The following MCM3AP variants were observed in gnomAD, a reference collection of about 807,000 sequenced individuals.
MCM3AP encodes minichromosome maintenance complex component 3 associated protein.
In MCM3AP, 126 loss-of-function variants were observed where a neutral mutation model predicts 184.1. The ratio of observed to expected loss-of-function variants is 0.68; its 90% CI spans 0.59 to 0.79. The LOEUF is 0.79. Among genes scored for constraint, MCM3AP ranks in the 30% least tolerant of loss-of-function variants. MCM3AP has a pLI of 0.00. For synonymous variants in MCM3AP, 1,002 were observed against 979.3 expected (o/e 1.02, Z -0.43); for missense variants, 2,496 against 2,479.2 (o/e 1.01, Z -0.14).
In MCM3AP at chr21:46,242,796, C is replaced by T. The variant is rs117921348; in HGVS notation, c.5426+6G>A. 5,034 of 1,601,844 alleles carry T rather than the reference C, an allele frequency of 3.1e-3. 8 individuals are homozygous for T. The highest frequency in any genetic ancestry group is 4.0e-3 in the Non-Finnish European group (4,712 of 1,175,948). Reference sequence around the variant, plus strand: ...GCAACAGAAACATACTGAACATGAACCTCACCGTCCCTCTCTCAGCTGTAG... The same window carrying T: ...GCAACAGAAACATACTGAACATGAATCTCACCGTCCCTCTCTCAGCTGTAG... On this transcript the variant is annotated splice_donor_region_variant and intron_variant, in intron 25 of 27. Coordinates refer to ENST00000291688, the MANE Select transcript of MCM3AP (RefSeq NM_003906.5).
chr21:46,241,783 T>C (rs1332607026), intron 25 of MCM3AP: 2 of 152,238 alleles, frequency 1.3e-5, no homozygotes, highest in African/African-American at 4.8e-5. Context: ...AGGTTTCCTT[T>C]GCACATACAG....
chr21:46,284,357 T>C lies in MCM3AP; in HGVS notation c.930A>G (p.Glu310=). Reference sequence around the variant, plus strand: ...CGCCCCGGGACAGAGGATCCGAATCTTCTGCTGGCTCGTGGCCATGTCTCC... The same window carrying C: ...CGCCCCGGGACAGAGGATCCGAATCCTCTGCTGGCTCGTGGCCATGTCTCC... The part of the protein sequence containing the change: ...SPRRHGHEPA[E]DSDPLSRGDH... Residue 310 remains glutamate, a synonymous_variant, in exon 1 of 28, where the codon GAA becomes GAG. Coordinates refer to ENST00000291688, the MANE Select transcript of MCM3AP (RefSeq NM_003906.5). 1 of 1,614,230 alleles carries C rather than the reference T, an allele frequency of 6.2e-7. No homozygotes were observed. The highest frequency in any genetic ancestry group is 8.5e-7 in the Non-Finnish European group (1 of 1,180,040).
At position 46,243,463 on chromosome 21, in the gene MCM3AP, A is replaced by G. The variant is rs2080708810; in HGVS notation, c.5296+2T>C. The G allele has an allele frequency of 1.2e-6, 2 of 1,603,540 alleles. No individual in the cohort carries two copies. The highest frequency in any genetic ancestry group is 1.7e-6 in the Non-Finnish European group (2 of 1,174,236). Reference sequence around the variant, plus strand: ...GATCCCATTGCATCAAGCTCTAATTACCTGATGTAACAGGAAGCCGGGGGG... The same window carrying G: ...GATCCCATTGCATCAAGCTCTAATTGCCTGATGTAACAGGAAGCCGGGGGG... On this transcript the variant is annotated splice_donor_variant, in intron 24 of 27. Transcript: ENST00000291688. LOFTEE classifies it high-confidence loss of function.
intron 14 of MCM3AP, 106 bp downstream of exon 14, chr21:46,261,174 G>T: frequency 1.4e-6 from 2 of 1,422,934 alleles, no homozygotes; most frequent in African/African-American, 1.4e-5. Flanking sequence ...AGCAGGGGTG[G>T]AATGGTAGCA....
chr21:46,247,686 A>C (rs2080799109), intron 20 of MCM3AP: 1 of 152,230 alleles, frequency 6.6e-6, no homozygotes, highest in Non-Finnish European at 1.5e-5. Context: ...ATAGAAACAA[A>C]AATGAGAATA....
chr21:46,279,229 A>C (rs1252474172), intron 4 of MCM3AP, among the ~76,000 whole-genome samples: 1 of 151,664 alleles, frequency 6.6e-6, no homozygotes, highest in East Asian at 2.0e-4. Flanking sequence ...CAGAGGTTGC[A>C]GTGAGCCAAG....
intron 8 of MCM3AP, 139 bp downstream of exon 8, chr21:46,272,422 G>A: frequency 8.9e-6 from 8 of 894,286 alleles, no homozygotes; most frequent in Non-Finnish European, 1.4e-5. Flanking sequence ...GCCAGACCAA[G>A]GTCCTCTACT....
Position 46,246,642 on chromosome 21 carries a change from T to G in MCM3AP, c.4535A>C (p.Lys1512Thr). The G allele has an allele frequency of 6.2e-7, 1 of 1,610,806 alleles. No individual in the cohort carries two copies. Among genetic ancestry groups the G allele is most frequent in the Non-Finnish European group, 8.5e-7 (1 of 1,177,100 alleles). The change falls in exon 21 of 28, where the codon AAG becomes ACG. Residue 1512 changes from lysine (K) to threonine (T), a missense_variant. Physicochemically the swap from Lys to Thr is moderately conservative, Grantham distance 78. Coordinates refer to ENST00000291688, the MANE Select transcript of MCM3AP (RefSeq NM_003906.5). ...VPSPGGDAVE[K>T]EVEDGLMLQD... Reference sequence around the variant, plus strand: ...CCTTCACAAACCATCTTCTACTTCCTTCTCAACGGCGTCCCCTCCTGGGCT... The same window carrying G: ...CCTTCACAAACCATCTTCTACTTCCGTCTCAACGGCGTCCCCTCCTGGGCT...
chr21:46,240,413 A>G (rs1005843604), intron 26 of MCM3AP, among the ~76,000 whole-genome samples: 1 of 152,056 alleles, frequency 6.6e-6, no homozygotes, highest in East Asian at 1.9e-4. Flanking sequence ...AATGTAGAGG[A>G]GGGGCAGCCC....
intron 23 of MCM3AP, 89 bp from the exon 24 acceptor site, chr21:46,243,811 G>C: frequency 1.5e-6 from 2 of 1,348,454 alleles, no homozygotes; most frequent in Non-Finnish European, 2.0e-6. Context: ...GAAGGCAACT[G>C]TGAAGTTGAG....
chr21:46,277,158 T>C (rs1478820560), intron 5 of MCM3AP, among the ~76,000 whole-genome samples: 1 of 152,208 alleles, frequency 6.6e-6, no homozygotes, highest in Non-Finnish European at 1.5e-5. Flanking sequence ...ACTTACTTTT[T>C]AGTAGGTAAT....
In MCM3AP at chr21:46,246,338, TCAGG is replaced by T. The variant is rs2080768484; in HGVS notation, c.4612_4615del (p.Pro1538IlefsTer123). The T allele has an allele frequency of 6.2e-7, 1 of 1,611,774 alleles. No individual in the cohort carries two copies. Among genetic ancestry groups the T allele is most frequent in the Non-Finnish European group, 8.5e-7 (1 of 1,177,922 alleles). ...TGAACCTTGTAGATCATTAATGGTA[TCAGG>T]GATCTCGGTAACAGTGTAATCTGAA... On this transcript the variant is annotated frameshift_variant, in exon 22 of 28. Transcript: ENST00000291688. LOFTEE classifies it high-confidence loss of function.
chr21:46,253,247 GTTTC>G (rs753248518), intron 19 of MCM3AP: 3 of 152,124 alleles, frequency 2.0e-5, no homozygotes, highest in Non-Finnish European at 2.9e-5. Flanking sequence ...AATGCCAAAA[GTTTC>G]TTTAAGGGGA....
rs1188599204 is a variant in MCM3AP at position 46,254,813 on chromosome 21, G to A, written c.3964C>T (p.Gln1322Ter). ...TGGTAGAAGTGCTGAACCTTCATCT[G>A]GTGAGCTGTCTTGTTTCTGAGCCGC... ...LRRLRNKTAH[Q>*]MKVQHFYQQL... Residue 1322 changes from glutamine (Q) to a stop codon, truncating the protein, a stop_gained, in exon 18 of 28, where the codon CAG becomes TAG. Coordinates refer to ENST00000291688, the MANE Select transcript of MCM3AP (RefSeq NM_003906.5). LOFTEE classifies it high-confidence loss of function. 1 of 1,613,968 alleles carries A rather than the reference G, an allele frequency of 6.2e-7. No homozygotes were observed. The highest frequency in any genetic ancestry group is 8.5e-7 in the Non-Finnish European group (1 of 1,179,988).
chr21:46,251,431 A>G, intron 20 of MCM3AP, 98 bp downstream of exon 20: 5 of 1,003,430 alleles, frequency 5.0e-6, no homozygotes, highest in Non-Finnish European at 7.2e-6. Context: ...TCAAAACCAC[A>G]TTAGGGAATA....
At chr21:46,279,915 A>C in intron 4 of MCM3AP, 78 bp downstream of exon 4, 1 of 1,444,242 alleles carries the variant, frequency 6.9e-7, no homozygotes, top group Non-Finnish European at 9.4e-7. Flanking sequence ...ACAGTCTTGC[A>C]CCCTGACTCA....
Position 46,267,132 on chromosome 21 carries a change from T to C in MCM3AP, c.2639A>G (p.Asp880Gly), listed in dbSNP as rs1300680902. 6.2e-7 allele frequency: 1 copy of C among 1,613,540 alleles called. No homozygotes were observed. The highest frequency in any genetic ancestry group is 1.1e-5 in the South Asian group (1 of 90,920). ...LHCYFSQIRK[D>G]ALRALNFAYT... ...CGCAAAGTTGAGCGCCCGGAGAGCA[T>C]CCTTGCGGATCTGAGAGGAGGAGCG... The change falls in exon 10 of 28, where the codon GAT (aspartate) becomes GGT (glycine). Residue 880 changes from aspartate to glycine, a missense_variant. Asp to Gly is a moderately conservative substitution (Grantham distance 94, BLOSUM62 -1). This residue lies in a region of MCM3AP where 138 missense variants were observed against 191.9 expected (regional missense o/e 0.72). Coordinates refer to ENST00000291688, the MANE Select transcript of MCM3AP (RefSeq NM_003906.5).
chr21:46,258,972 T>C lies in MCM3AP; in HGVS notation c.3701A>G (p.Gln1234Arg). ...ATACTTGCAGAAGCACTGAAGCTCC[T>C]GGAGGGTCTCCTTTGCAGTCTGGAA... is the stretch of plus-strand genomic sequence containing the variant. The part of the protein sequence containing the change: ...EIFQTAKETL[Q>R]ELQCFCKYLQ... The change falls in exon 16 of 28, where the codon CAG becomes CGG. Residue 1234 changes from glutamine (Q) to arginine (R), a missense_variant. By Grantham distance (43) the Gln-to-Arg change is conservative. Coordinates refer to ENST00000291688, the MANE Select transcript of MCM3AP (RefSeq NM_003906.5). 1 of 1,614,206 alleles carries C rather than the reference T, an allele frequency of 6.2e-7. No homozygotes were observed. Among genetic ancestry groups the C allele is most frequent in the Non-Finnish European group, 8.5e-7 (1 of 1,180,032 alleles).
Position 46,236,939 on chromosome 21 carries a change from CT to C in MCM3AP, c.5673del (p.Gly1892GlufsTer6), listed in dbSNP as rs1382491396. Reference sequence around the variant, plus strand: ...AGGGAAGTTAAATCCGTAAATGCTCCTGAGTCTTCAGACAACCATTGCTGAA... The same window carrying C: ...AGGGAAGTTAAATCCGTAAATGCTCCGAGTCTTCAGACAACCATTGCTGAA... ...DQLQQWLSEDSGAFTDLTSLP... is the reference protein window; with the variant it reads ...DQLQQWLSEDXGAFTDLTSLP... On this transcript the variant is annotated frameshift_variant, in exon 27 of 28. Transcript: ENST00000291688. LOFTEE classifies it high-confidence loss of function. 2.5e-6 allele frequency: 4 copies of C among 1,570,222 alleles called. No individual in the cohort carries two copies. The highest frequency in any genetic ancestry group is 2.6e-6 in the Non-Finnish European group (3 of 1,165,122).
Sources: allele counts gnomAD v4.1 joint callset (sites outside exome capture counted in the v4.1 genomes callset), GRCh38; gene constraint gnomAD v4.1.1; regional missense constraint gnomAD v4.1.1; transcripts MANE v1.5; gene names NCBI Gene and HGNC (gene_info 2026-07-23, HGNC 2026-07-21).